DENND2A: variants seen among roughly 807,000 people sequenced by gnomAD.
DENND2A encodes DENN domain containing 2A, also known as DENN domain-containing protein 2A.
A neutral mutation model predicts 105.3 loss-of-function variants in DENND2A; 53 were observed. The observed-to-expected ratio is 0.50, with a 90% confidence interval of 0.40 to 0.63. The LOEUF is 0.63. Among genes scored for constraint, DENND2A ranks in the 30% least tolerant of loss-of-function variants. The probability of loss-of-function intolerance (pLI) is 0.00; values close to 1 mark genes in which losing one functional copy is unlikely to be tolerated. For synonymous variants in DENND2A, 522 were observed against 508.4 expected, an observed-to-expected ratio of 1.03 and a Z score of -0.36; for missense variants, 1,138 against 1,279.6, an observed-to-expected ratio of 0.89 and a Z score of 1.69.
At chr7:140,628,376 G>C (rs553211227) in intron 1 of DENND2A, among the ~76,000 whole-genome samples, 11 of 152,158 alleles carry the variant, frequency 7.2e-5, no homozygotes, top group African/African-American at 2.2e-4. Flanking sequence ...CCTCAGACCA[G>C]CGCAGCTTGC....
intron 1 of DENND2A, among the ~76,000 whole-genome samples, chr7:140,622,312 C>T (rs1297790740): frequency 6.6e-6 from 1 of 151,980 alleles, no homozygotes; most frequent in East Asian, 1.9e-4. Flanking sequence ...AAGAGAATCG[C>T]TTGAACCTGG....
At chr7:140,629,791 G>T (rs372771895) in intron 1 of DENND2A, among the ~76,000 whole-genome samples, 1 of 152,032 alleles carries the variant, frequency 6.6e-6, no homozygotes. Context: ...AGTGAGGCAC[G>T]GGTTGCTCTT....
At position 140,520,216 on chromosome 7, in the gene DENND2A, A is replaced by C. The variant is rs376161086; in HGVS notation, c.2912-498T>G. ...AGCTACTCGGGAGGCTGAGGCAGGAAAATCGCTTGAACCCGGGAGGCGGAG... is the reference window on the plus strand; with the variant it reads ...AGCTACTCGGGAGGCTGAGGCAGGACAATCGCTTGAACCCGGGAGGCGGAG... On this transcript the variant is annotated intron_variant, in intron 18 of 19. Transcript: ENST00000496613. 1.5e-4 allele frequency among the ~76,000 whole-genome samples: 23 copies of C among 152,058 alleles called. No individual in the cohort carries two copies. In the South Asian group the frequency reaches 4.8e-3, roughly 32 times the overall value.
At chr7:140,639,487 G>A (rs1178252285) in intron 1 of DENND2A, among the ~76,000 whole-genome samples, 3 of 151,850 alleles carry the variant, frequency 2.0e-5, no homozygotes, top group Non-Finnish European at 4.4e-5. Flanking sequence ...CTTCCTCTCG[G>A]AGTTCTGCTC....
At chr7:140,620,608 G>A (rs73165443) in intron 1 of DENND2A, among the ~76,000 whole-genome samples, 3,895 of 152,300 alleles carry the variant, frequency 0.026, 72 homozygotes, top group Non-Finnish European at 0.04. Context: ...GCTGTTGTCT[G>A]TGGGTGTCTG....
At chr7:140,553,776 TG>T (rs1014297235) in intron 12 of DENND2A, among the ~76,000 whole-genome samples, 1 of 152,272 alleles carries the variant, frequency 6.6e-6, no homozygotes, top group African/African-American at 2.4e-5. Context: ...TAACCCTGAG[TG>T]GACACAGCAC....
intron 5 of DENND2A, among the ~76,000 whole-genome samples, chr7:140,584,496 G>A (rs1798692622): frequency 6.6e-6 from 1 of 152,174 alleles, no homozygotes; most frequent in African/African-American, 2.4e-5. Flanking sequence ...AGGATCTATG[G>A]GAGATTAGGG....
intron 3 of DENND2A, among the ~76,000 whole-genome samples, chr7:140,598,328 A>G (rs1035712902): frequency 6.6e-6 from 1 of 152,248 alleles, no homozygotes; most frequent in Admixed American, 6.5e-5. Context: ...CACTAACTTG[A>G]TAACATAAAA....
chr7:140,580,507 AT>A (rs763978496), intron 5 of DENND2A, among the ~76,000 whole-genome samples: 21 of 152,052 alleles, frequency 1.4e-4, no homozygotes, highest in Non-Finnish European at 2.2e-4. Flanking sequence ...TTTTATAGAG[AT>A]GGGGTCTTAC....
chr7:140,545,358 C>A (rs1284273361), intron 13 of DENND2A, among the ~76,000 whole-genome samples: 3 of 152,018 alleles, frequency 2.0e-5, no homozygotes, highest in Non-Finnish European at 2.9e-5. Flanking sequence ...GTGTCTATAT[C>A]TTCTTTTTTT....
chr7:140,625,904 A>T (rs1308313757), intron 1 of DENND2A, among the ~76,000 whole-genome samples: 2 of 152,166 alleles, frequency 1.3e-5, no homozygotes, highest in South Asian at 4.1e-4. Context: ...TGACACCTCA[A>T]ATTAAGCTGC....
chr7:140,528,712 A>AT (rs1271712244), intron 14 of DENND2A, among the ~76,000 whole-genome samples: 1 of 150,494 alleles, frequency 6.6e-6, no homozygotes, highest in Non-Finnish European at 1.5e-5. Flanking sequence ...GTGAACTGAG[A>AT]TTACACCATT....
chr7:140,519,816 C>CTCTT, intron 18 of DENND2A, 98 bp from the exon 19 acceptor site: 1 of 1,107,196 alleles, frequency 9.0e-7, no homozygotes, highest in Non-Finnish European at 1.4e-6. Context: ...AACCTTGTTT[C>CTCTT]TGAGACTAAG....
intron 1 of DENND2A, among the ~76,000 whole-genome samples, chr7:140,623,876 T>C (rs993505826): frequency 6.6e-6 from 1 of 152,210 alleles, no homozygotes; most frequent in Admixed American, 6.5e-5. Flanking sequence ...ACTCTGGCCT[T>C]ATATTGACAT....
At chr7:140,522,454 T>G (rs1360306094) in intron 17 of DENND2A, among the ~76,000 whole-genome samples, 1 of 149,582 alleles carries the variant, frequency 6.7e-6, no homozygotes, top group Non-Finnish European at 1.5e-5. Flanking sequence ...GCTGGGATTA[T>G]GGGCATGCGC....
At chr7:140,530,288 A>C (rs1374398630) in intron 14 of DENND2A, among the ~76,000 whole-genome samples, 1 of 152,194 alleles carries the variant, frequency 6.6e-6, no homozygotes, top group Non-Finnish European at 1.5e-5. Context: ...GACAATTAAA[A>C]ATAATTAAAA....
intron 19 of DENND2A, 82 bp from the exon 20 acceptor site, chr7:140,518,820 G>A: frequency 2.0e-6 from 3 of 1,481,052 alleles, no homozygotes; most frequent in Middle Eastern, 1.7e-4. Context: ...CCCAGAAGTG[G>A]TGCGGGTAAC....
intron 1 of DENND2A, among the ~76,000 whole-genome samples, chr7:140,619,022 T>A (rs748682904): frequency 6.6e-6 from 1 of 152,086 alleles, no homozygotes; most frequent in Non-Finnish European, 1.5e-5. Flanking sequence ...ATGGTCTCGA[T>A]CTCCTGACCT....
chr7:140,587,248 C>T (rs887403003), intron 4 of DENND2A, among the ~76,000 whole-genome samples: 1 of 152,132 alleles, frequency 6.6e-6, no homozygotes, highest in African/African-American at 2.4e-5. Flanking sequence ...CTTAACCTTG[C>T]AAGGGAGCTA....
Sources: allele counts gnomAD v4.1 joint callset (sites outside exome capture counted in the v4.1 genomes callset), GRCh38; gene constraint gnomAD v4.1.1; transcripts MANE v1.5; gene names NCBI Gene and HGNC (gene_info 2026-07-23, HGNC 2026-07-21).